TEC: variants seen among roughly 807,000 people sequenced by gnomAD.
TEC encodes tec protein tyrosine kinase.
Under a neutral mutation model 93.0 loss-of-function variants are expected in TEC, and 72 were observed. The observed-to-expected ratio is 0.77, with a 90% CI of 0.64 to 0.94. TEC has a LOEUF of 0.94. Among genes scored for constraint, TEC ranks in the 40% least tolerant of loss-of-function variants. TEC has a pLI of 0.00. For synonymous variants in TEC, 249 were observed against 247.7 expected, an observed-to-expected ratio of 1.01 and a Z score of -0.05; for missense variants, 630 against 757.9, an observed-to-expected ratio of 0.83 and a Z score of 1.98.
At chr4:48,249,447 A>T (rs1183578456) in intron 1 of TEC, among the ~76,000 whole-genome samples, 3 of 152,252 alleles carry the variant, frequency 2.0e-5, no homozygotes, top group Non-Finnish European at 4.4e-5. Flanking sequence ...AGTATGTGAC[A>T]GAAATGTAAA....
At chr4:48,140,016 T>C (rs1560370276) in intron 15 of TEC, among the ~76,000 whole-genome samples, 1 of 152,218 alleles carries the variant, frequency 6.6e-6, no homozygotes, top group African/African-American at 2.4e-5. Context: ...AAGCCTAACA[T>C]ATGAAGATTG....
At chr4:48,208,073 T>C (rs1221603302) in intron 2 of TEC, among the ~76,000 whole-genome samples, 1 of 152,140 alleles carries the variant, frequency 6.6e-6, no homozygotes, top group East Asian at 1.9e-4. Context: ...GCTCAGAACT[T>C]GGCTTCCCAG....
At chr4:48,168,726 T>C (rs1013707431) in intron 5 of TEC, 100 bp from the exon 6 acceptor site, 54 of 1,278,506 alleles carry the variant, frequency 4.2e-5, no homozygotes, top group African/African-American at 1.1e-4. Flanking sequence ...AGTTAACACA[T>C]AGACAAGCAG....
At position 48,245,255 on chromosome 4, in the gene TEC, G is replaced by A. The variant is rs1724023909; in HGVS notation, c.-45-16596C>T. Among the ~76,000 whole-genome samples, 6 of 151,004 alleles carry A rather than the reference G, an allele frequency of 4.0e-5. 1 individual carries two copies. The South Asian group carries it at 8.4e-4, about 21-fold the overall frequency. On this transcript the variant is annotated intron_variant, in intron 1 of 17. Coordinates refer to ENST00000381501, the MANE Select transcript of TEC (RefSeq NM_003215.3). ...TTGCAGTGAGCCGAGATCGCGCCAC[G>A]GCACTGCAGCCTGGCAACACAACGA...
chr4:48,171,490 G>A, intron 3 of TEC, 41 bp from the exon 4 acceptor site: 1 of 1,532,058 alleles, frequency 6.5e-7, no homozygotes. Flanking sequence ...AGAGGACTTA[G>A]ACACAGCACT....
At chr4:48,199,474 T>C (rs1271999019) in intron 2 of TEC, among the ~76,000 whole-genome samples, 3 of 137,458 alleles carry the variant, frequency 2.2e-5, no homozygotes, top group Non-Finnish European at 4.7e-5. Flanking sequence ...TTTTTTTTTT[T>C]TTTTTTTTTT....
chr4:48,195,349 C>T (rs745659058), intron 2 of TEC, among the ~76,000 whole-genome samples: 76 of 152,060 alleles, frequency 5.0e-4, no homozygotes, highest in Non-Finnish European at 9.4e-4. Flanking sequence ...AATCTACTTA[C>T]AAACTTTTTT....
intron 2 of TEC, among the ~76,000 whole-genome samples, chr4:48,219,917 G>A (rs1008637376): frequency 5.3e-5 from 8 of 151,892 alleles, no homozygotes; most frequent in African/African-American, 1.5e-4. Context: ...GAGAACACTC[G>A]CTAAGCCCCA....
At position 48,137,165 on chromosome 4, in the gene TEC, C is replaced by T; in HGVS notation, c.*251G>A. On this transcript the variant is annotated 3_prime_UTR_variant, in exon 18 of 18. Coordinates refer to ENST00000381501, the MANE Select transcript of TEC (RefSeq NM_003215.3). ...CACACAGTGCCTGGTAAACAACTGT[C>T]ACTCAAGTGCCTGAGGAATGAATAG... The T allele has an allele frequency of 4.1e-6, 2 of 486,926 alleles. No individual in the cohort carries two copies. The allele number at this position is 486,926 out of a possible 1,614,324, so 30.2% of individuals were successfully genotyped here. A position where few individuals can be genotyped will look rare whatever the true frequency, so the allele number is the denominator to read the frequency against.
intron 1 of TEC, among the ~76,000 whole-genome samples, chr4:48,259,760 G>C (rs1724448170): frequency 6.6e-6 from 1 of 151,404 alleles, no homozygotes; most frequent in African/African-American, 2.4e-5. Flanking sequence ...AATCTGAACA[G>C]GAGCTCACTC....
chr4:48,265,515 ATT>A (rs71189199), intron 1 of TEC, among the ~76,000 whole-genome samples: 87 of 129,170 alleles, frequency 6.7e-4, no homozygotes, highest in African/African-American at 1.1e-3. Flanking sequence ...ATATATATAT[ATT>A]TTTTTTTTTT....
At chr4:48,211,155 G>GTCCA (rs2109611537) in intron 2 of TEC, among the ~76,000 whole-genome samples, 1 of 152,284 alleles carries the variant, frequency 6.6e-6, no homozygotes, top group Admixed American at 6.5e-5. Flanking sequence ...TGGCACAAGA[G>GTCCA]TCCATCCTCT....
chr4:48,221,545 C>A (rs535560339), intron 2 of TEC, among the ~76,000 whole-genome samples: 3 of 152,146 alleles, frequency 2.0e-5, no homozygotes, highest in African/African-American at 7.2e-5. Context: ...GTCTTGGGTA[C>A]GTCTTTATTA....
chr4:48,252,369 G>C (rs771883286), intron 1 of TEC, among the ~76,000 whole-genome samples: 11 of 152,222 alleles, frequency 7.2e-5, no homozygotes, highest in Non-Finnish European at 1.3e-4. Flanking sequence ...GTATCTCACT[G>C]AGTCTGTTGA....
intron 8 of TEC, among the ~76,000 whole-genome samples, chr4:48,159,635 C>A (rs1399634279): frequency 6.6e-6 from 1 of 151,286 alleles, no homozygotes; most frequent in African/African-American, 2.4e-5. Context: ...GGCAACCTGC[C>A]CCTCCTGGGT....
intron 1 of TEC, among the ~76,000 whole-genome samples, chr4:48,245,885 T>C (rs777622631): frequency 1.3e-5 from 2 of 151,896 alleles, no homozygotes; most frequent in African/African-American, 4.8e-5. Flanking sequence ...CAGAGGAGGG[T>C]AGATCACTTG....
intron 3 of TEC, among the ~76,000 whole-genome samples, chr4:48,173,486 A>G (rs545177231): frequency 1.3e-5 from 2 of 152,156 alleles, no homozygotes; most frequent in Non-Finnish European, 2.9e-5. Context: ...CTCAGATCAC[A>G]CAATGTTGGC....
At chr4:48,247,123 A>G (rs1183173123) in intron 1 of TEC, among the ~76,000 whole-genome samples, 1 of 147,722 alleles carries the variant, frequency 6.8e-6, no homozygotes, top group Non-Finnish European at 1.5e-5. Context: ...ATGAATGGTC[A>G]GCAAACATAT....
chr4:48,265,571 G>A (rs1372217693), intron 1 of TEC, among the ~76,000 whole-genome samples: 4 of 148,440 alleles, frequency 2.7e-5, no homozygotes, highest in South Asian at 2.1e-4. Flanking sequence ...GGAGTACAGT[G>A]ACTCAATCTC....
Sources: allele counts gnomAD v4.1 joint callset (sites outside exome capture counted in the v4.1 genomes callset), GRCh38; gene constraint gnomAD v4.1.1; transcripts MANE v1.5; gene names NCBI Gene and HGNC (gene_info 2026-07-23, HGNC 2026-07-21).